The following SEPTIN4 variants were observed in gnomAD, a reference collection of about 807,000 sequenced individuals.
SEPTIN4 encodes septin-4.
A neutral mutation model predicts 107.1 loss-of-function variants in SEPTIN4; 52 were observed. The observed-to-expected ratio is 0.49, with a 90% CI of 0.39 to 0.61. The LOEUF (loss-of-function observed/expected upper bound fraction) is 0.61, where lower values mean the gene tolerates loss of function less well. Among genes scored for constraint, SEPTIN4 ranks in the 20% least tolerant of loss-of-function variants. The probability of loss-of-function intolerance (pLI) is 0.00; values close to 1 mark genes in which losing one functional copy is unlikely to be tolerated. For missense variants in SEPTIN4, 1,048 were observed against 1,243.5 expected, an observed-to-expected ratio of 0.84 and a Z score of 2.36; for synonymous variants, 417 against 467.0, an observed-to-expected ratio of 0.89 and a Z score of 1.38.
At chr17:58,532,084 C>A in intron 3 of SEPTIN4, 2 of 1,086,180 alleles carry the variant, frequency 1.8e-6, no homozygotes, top group Non-Finnish European at 1.1e-6. Context: ...CGGACCGCTG[C>A]GGGAGGGGCC....
In SEPTIN4 at chr17:58,544,321, C is replaced by G; in HGVS notation, c.-135G>C. The G allele has an allele frequency of 1.6e-6, 2 of 1,222,758 alleles. No individual in the cohort carries two copies. Among genetic ancestry groups the G allele is most frequent in the African/African-American group, 1.5e-5 (1 of 65,962 alleles). The allele number at this position is 1,222,758 out of a possible 1,614,324, so 75.7% of individuals were successfully genotyped here. On this transcript the variant is annotated 5_prime_UTR_variant, in exon 1 of 14. Transcript: ENST00000672673. ...GGCTCCCACAAAAGTGGCTGTTGTT[C>G]TAAGAGTGTCTCAAATAATCCCCTT...
intron 3 of SEPTIN4, chr17:58,529,214 T>C (rs779362435): frequency 6.2e-7 from 1 of 1,614,158 alleles, no homozygotes; most frequent in Non-Finnish European, 8.5e-7. Flanking sequence ...GCTCTAGGTC[T>C]AATTTTATCT....
chr17:58,536,844 C>T (rs1035195262), intron 3 of SEPTIN4, among the ~76,000 whole-genome samples: 1 of 152,230 alleles, frequency 6.6e-6, no homozygotes, highest in Non-Finnish European at 1.5e-5. Context: ...GTCAGGGTGG[C>T]TCCTGGGTTA....
intron 5 of SEPTIN4, 21 bp downstream of exon 5, chr17:58,526,199 C>G: frequency 6.4e-7 from 1 of 1,570,144 alleles, no homozygotes; most frequent in Non-Finnish European, 8.6e-7. Flanking sequence ...CCTGCCCAAC[C>G]CAGCCCTGCC....
Position 58,541,962 on chromosome 17 carries a change from G to A in SEPTIN4, c.1566C>T (p.Val522=). The part of the protein sequence containing the change: ...IQRFTAFFLD[V]SEEMYNRVIW... ...TGACACGATTGTACATTTCCTCAGA[G>A]ACATCTGAAAGTAACAGAGAGATGG... The change falls in exon 2 of 14, where the codon GTC becomes GTT. Residue 522 remains valine (V), a synonymous_variant. Transcript: ENST00000672673. The A allele has an allele frequency of 1.2e-6, 2 of 1,613,890 alleles. No individual in the cohort carries two copies. Among genetic ancestry groups the A allele is most frequent in the Non-Finnish European group, 1.7e-6 (2 of 1,179,954 alleles).
Position 58,521,176 on chromosome 17 carries a change from A to AG in SEPTIN4, c.2669-17dup. 6.2e-7 allele frequency: 1 copy of AG among 1,614,162 alleles called. No homozygotes were observed. The highest frequency in any genetic ancestry group is 8.5e-7 in the Non-Finnish European group (1 of 1,179,994). On this transcript the variant is annotated splice_polypyrimidine_tract_variant and intron_variant, in intron 11 of 13. Transcript: ENST00000672673. The surrounding 1 kb of genome is among the most constrained non-coding windows in gnomAD (Gnocchi z 6.4). ...GGGTTTTCCACTGCATAGCAAGGCT[A>AG]GGGGTCAGCCAGAGGCATAGGTAGG...
chr17:58,534,848 G>A (rs1017338388), intron 3 of SEPTIN4, among the ~76,000 whole-genome samples: 2 of 152,234 alleles, frequency 1.3e-5, no homozygotes, highest in African/African-American at 4.8e-5. Flanking sequence ...GTATGGCACA[G>A]GACCTAAGCA....
intron 3 of SEPTIN4, among the ~76,000 whole-genome samples, chr17:58,533,673 G>A (rs1327489792): frequency 2.6e-5 from 4 of 152,066 alleles, no homozygotes; most frequent in Non-Finnish European, 5.9e-5. Flanking sequence ...TCAGGGGATC[G>A]GAAGCTGTAC....
intron 3 of SEPTIN4, among the ~76,000 whole-genome samples, chr17:58,539,434 T>G (rs2043818700): frequency 6.6e-6 from 1 of 152,220 alleles, no homozygotes; most frequent in Middle Eastern, 3.4e-3. Context: ...AAAGGCTAGC[T>G]AAGACACCAC....
intron 13 of SEPTIN4, 29 bp downstream of exon 13, chr17:58,520,714 A>AC (rs1297761767): frequency 2.5e-6 from 4 of 1,610,562 alleles, no homozygotes; most frequent in Non-Finnish European, 3.4e-6. Flanking sequence ...CAAACAGGAG[A>AC]CCTCCCCTAT....
chr17:58,543,948 T>C lies in SEPTIN4; in HGVS notation c.239A>G (p.Tyr80Cys). Residue 80 changes from tyrosine (Y) to cysteine (C), a missense_variant, in exon 1 of 14, where the codon TAT (tyrosine) becomes TGT (cysteine). Physicochemically the swap from Tyr to Cys is radical, Grantham distance 194 (BLOSUM62 -2). Coordinates refer to ENST00000672673, the MANE Select transcript of SEPTIN4 (RefSeq NM_001368771.2). ...GGGTCCCCGAGGAGTGGGTACTGCA[T>C]AGTGTCCAGGTCCTGACTGGAGGGA... is the stretch of plus-strand genomic sequence containing the variant. ...SVSLQSGPGHYAVPTPRGPET... is the reference protein window; with the variant it reads ...SVSLQSGPGHCAVPTPRGPET... 3.7e-6 allele frequency: 6 copies of C among 1,613,960 alleles called. No homozygotes were observed. The highest frequency in any genetic ancestry group is 5.1e-6 in the Non-Finnish European group (6 of 1,179,930).
chr17:58,524,947 G>A, intron 7 of SEPTIN4, 131 bp downstream of exon 7: 1 of 1,134,426 alleles, frequency 8.8e-7, no homozygotes, highest in Non-Finnish European at 1.3e-6. Context: ...TGTCCAGTAA[G>A]GGAAGTCACA....
intron 2 of SEPTIN4, 40 bp downstream of exon 2, chr17:58,541,882 A>T: frequency 1.2e-6 from 2 of 1,613,960 alleles, no homozygotes; most frequent in Non-Finnish European, 1.7e-6. Context: ...CCCATCCCCC[A>T]AGCTCCCACA....
rs776412189 is a variant in SEPTIN4, at chr17:58,521,167, A to G, written c.2669-7T>C. On this transcript the variant is annotated splice_region_variant and splice_polypyrimidine_tract_variant and intron_variant, in intron 11 of 13. Coordinates refer to ENST00000672673, the MANE Select transcript of SEPTIN4 (RefSeq NM_001368771.2). This position sits in a 1 kb window ranked among gnomAD's most constrained non-coding sequence, Gnocchi z 6.4. ...CAGTGCCCTGGGTTTTCCACTGCAT[A>G]GCAAGGCTAGGGGTCAGCCAGAGGC... 2.5e-6 allele frequency: 4 copies of G among 1,614,168 alleles called. No individual in the cohort carries two copies. The highest frequency in any genetic ancestry group is 3.4e-6 in the Non-Finnish European group (4 of 1,180,018).
In SEPTIN4 at chr17:58,543,017, T is replaced by G. The variant is rs1412701450; in HGVS notation, c.1170A>C (p.Thr390=). The change falls in exon 1 of 14, where the codon ACA becomes ACC. Residue 390 remains threonine (T), a synonymous_variant. Coordinates refer to ENST00000672673, the MANE Select transcript of SEPTIN4 (RefSeq NM_001368771.2). ...TTTGCGAGAGTTCTGGATACCTGGG[T>G]GTAGGTCCTTGGGACATGTAAGTAA... ...PEITYMSQGP[T]PRYPELSQKP... 3 of 1,611,880 alleles carry G rather than the reference T, an allele frequency of 1.9e-6. No homozygotes were observed. The highest frequency in any genetic ancestry group is 2.5e-6 in the Non-Finnish European group (3 of 1,179,132).
chr17:58,532,071 G>C (rs2144205546), intron 3 of SEPTIN4: 1 of 1,103,946 alleles, frequency 9.1e-7, no homozygotes, highest in South Asian at 4.4e-5. Flanking sequence ...GCCTCCCCGA[G>C]TGCGGACCGC....
At chr17:58,524,953 T>C in intron 7 of SEPTIN4, 125 bp downstream of exon 7, 1 of 1,229,786 alleles carries the variant, frequency 8.1e-7, no homozygotes, top group Non-Finnish European at 1.1e-6. Flanking sequence ...GTAAGGGAAG[T>C]CACATGCTCA....
intron 3 of SEPTIN4, 81 bp from the exon 4 acceptor site, chr17:58,527,059 G>T: frequency 6.2e-7 from 1 of 1,605,956 alleles, no homozygotes; most frequent in East Asian, 2.2e-5. Flanking sequence ...GGAGACAGAA[G>T]ACAGGAGAAG....
intron 3 of SEPTIN4, 147 bp downstream of exon 3, chr17:58,540,519 G>T (rs950172459): frequency 1.9e-6 from 1 of 525,712 alleles, no homozygotes; most frequent in East Asian, 3.5e-5. Flanking sequence ...CCTCTACCAG[G>T]TGCTCTTGTG....
Sources: allele counts gnomAD v4.1 joint callset (sites outside exome capture counted in the v4.1 genomes callset), GRCh38; gene constraint gnomAD v4.1.1; non-coding constraint Gnocchi (gnomAD v3.1); transcripts MANE v1.5; gene names NCBI Gene and HGNC (gene_info 2026-07-23, HGNC 2026-07-21).